RAPGEF4: variants seen among roughly 807,000 people sequenced by gnomAD.
RAPGEF4 encodes the protein Rap guanine nucleotide exchange factor 4.
RAPGEF4 carries 66 observed loss-of-function variants against 147.9 expected under a neutral mutation model. The ratio of observed to expected loss-of-function variants is 0.45; its 90% CI spans 0.37 to 0.55. The LOEUF (loss-of-function observed/expected upper bound fraction) is 0.55. RAPGEF4 is among the 20% of genes least tolerant of loss of function. The pLI, the probability that RAPGEF4 is intolerant of heterozygous loss-of-function variation, is 0.00. For missense variants in RAPGEF4, 1,071 were observed against 1,257.3 expected (o/e 0.85, Z 2.24); for synonymous variants, 419 against 442.7 (o/e 0.95, Z 0.67).
intron 3 of RAPGEF4, among the ~76,000 whole-genome samples, chr2:172,804,158 G>A (rs1017268745): frequency 6.6e-6 from 1 of 152,126 alleles, no homozygotes; most frequent in African/African-American, 2.4e-5. Context: ...GCATATGGTG[G>A]TAGAAAGATA....
chr2:172,769,876 T>G lies in RAPGEF4; in HGVS notation c.66-25149T>G, dbSNP rs1697194854. On this transcript the variant is annotated intron_variant, in intron 1 of 30. Transcript: ENST00000397081. ...CAAATATAAGTGGGTGTCCAATATT[T>G]GTATTTGCAAAATCTGGCAACCCTA... 4.6e-5 allele frequency among the ~76,000 whole-genome samples: 7 copies of G among 152,204 alleles called. No homozygotes were observed. The South Asian group carries it at 1.5e-3, about 32-fold the overall frequency.
intron 1 of RAPGEF4, among the ~76,000 whole-genome samples, chr2:172,766,409 G>A (rs897607995): frequency 5.3e-5 from 8 of 151,968 alleles, no homozygotes; most frequent in African/African-American, 1.7e-4. Flanking sequence ...AAAATTAGCC[G>A]GGCATGCTGG....
chr2:172,779,081 G>A (rs527509878), intron 1 of RAPGEF4, among the ~76,000 whole-genome samples: 1 of 151,862 alleles, frequency 6.6e-6, no homozygotes, highest in South Asian at 2.1e-4. Flanking sequence ...AGATACAAAA[G>A]TATATTTATT....
intron 1 of RAPGEF4, among the ~76,000 whole-genome samples, chr2:172,754,630 A>G (rs1171463160): frequency 6.6e-6 from 1 of 152,190 alleles, no homozygotes; most frequent in Non-Finnish European, 1.5e-5. Context: ...GGGGAATTGG[A>G]ACCCCAGTCC....
Position 173,036,211 on chromosome 2 carries a change from A to G in RAPGEF4, c.2787A>G (p.Lys929=). 1 of 1,600,328 alleles carries G rather than the reference A, an allele frequency of 6.2e-7. No individual in the cohort carries two copies. Among genetic ancestry groups the G allele is most frequent in the Non-Finnish European group, 8.6e-7 (1 of 1,168,048 alleles). Reference sequence around the variant, plus strand: ...TCCCCTTCATGCCTTTGCTCATTAAAGGTAATCCTAATAAGATGCACAGGC... The same window carrying G: ...TCCCCTTCATGCCTTTGCTCATTAAGGGTAATCCTAATAAGATGCACAGGC... The part of the protein sequence containing the change: ...PLIPFMPLLI[K]DMTFTHEGNK... The change falls in exon 28 of 31, where the codon AAA becomes AAG. Residue 929 remains lysine (K), a splice_region_variant and synonymous_variant. Coordinates refer to ENST00000397081, the MANE Select transcript of RAPGEF4 (RefSeq NM_007023.4).
intron 4 of RAPGEF4, among the ~76,000 whole-genome samples, chr2:172,865,026 A>G (rs901648367): frequency 3.3e-5 from 5 of 152,180 alleles, no homozygotes; most frequent in Non-Finnish European, 4.4e-5. Context: ...CTTGTCACCT[A>G]CCAGGTCCAA....
At chr2:172,953,180 A>G (rs1399412807) in intron 6 of RAPGEF4, among the ~76,000 whole-genome samples, 4 of 150,434 alleles carry the variant, frequency 2.7e-5, no homozygotes, top group Admixed American at 1.3e-4. Context: ...TAAAAAATAT[A>G]TATATAATAG....
chr2:172,838,309 A>T (rs1475131362), intron 4 of RAPGEF4, among the ~76,000 whole-genome samples: 2 of 152,172 alleles, frequency 1.3e-5, no homozygotes, highest in Admixed American at 1.3e-4. Context: ...CTTCATAGAA[A>T]GATCAGAGTC....
At chr2:172,958,661 G>T (rs1688978698) in intron 6 of RAPGEF4, among the ~76,000 whole-genome samples, 1 of 152,190 alleles carries the variant, frequency 6.6e-6, no homozygotes, top group Admixed American at 6.5e-5. Context: ...CTGGTAAACA[G>T]TATGCTGTTA....
intron 1 of RAPGEF4, among the ~76,000 whole-genome samples, chr2:172,780,316 C>T (rs1307498737): frequency 5.9e-5 from 9 of 152,154 alleles, no homozygotes; most frequent in Non-Finnish European, 1.3e-4. Flanking sequence ...AAGGATAATA[C>T]ATTTTAGACG....
intron 3 of RAPGEF4, among the ~76,000 whole-genome samples, chr2:172,810,505 C>A (rs957667845): frequency 1.8e-4 from 28 of 152,184 alleles, no homozygotes; most frequent in African/African-American, 6.5e-4. Flanking sequence ...GTAAGGAGGT[C>A]TGTGTTTTAG....
Position 173,052,741 on chromosome 2 carries a change from A to G in RAPGEF4, c.*974A>G, listed in dbSNP as rs1187688340. On this transcript the variant is annotated 3_prime_UTR_variant, in exon 31 of 31. Coordinates refer to ENST00000397081, the MANE Select transcript of RAPGEF4 (RefSeq NM_007023.4). ...ATAATAGATACTGTGCCAAATAATTACTTTTTATTTATTTTATTTAGTACG... is the reference window on the plus strand; with the variant it reads ...ATAATAGATACTGTGCCAAATAATTGCTTTTTATTTATTTTATTTAGTACG... 6.6e-6 allele frequency: 1 copy of G among 152,640 alleles called. No individual in the cohort carries two copies. The highest frequency in any genetic ancestry group is 1.5e-5 in the Non-Finnish European group (1 of 68,032). 9.5% of individuals were successfully genotyped at this position (152,640 alleles called of 1,614,324 possible).
intron 4 of RAPGEF4, among the ~76,000 whole-genome samples, chr2:172,871,625 C>CT (rs57511364): frequency 0.027 from 3,524 of 132,278 alleles, 47 homozygotes; most frequent in Middle Eastern, 0.057. Flanking sequence ...AAAAAGCAGA[C>CT]TTTTTTTTTT....
chr2:172,822,033 A>C, intron 4 of RAPGEF4: 2 of 1,584,588 alleles, frequency 1.3e-6, no homozygotes, highest in Non-Finnish European at 1.7e-6. Flanking sequence ...GAAATACTAC[A>C]TGTTACTGTT....
intron 1 of RAPGEF4, among the ~76,000 whole-genome samples, chr2:172,758,494 A>G (rs1290550398): frequency 6.6e-6 from 1 of 152,202 alleles, no homozygotes; most frequent in Non-Finnish European, 1.5e-5. Context: ...TGGTGGAAGA[A>G]GGGAGAGCTA....
At chr2:172,773,550 A>G (rs1046140663) in intron 1 of RAPGEF4, among the ~76,000 whole-genome samples, 1 of 152,032 alleles carries the variant, frequency 6.6e-6, no homozygotes, top group African/African-American at 2.4e-5. Flanking sequence ...TCTCTGGAGA[A>G]ACCTTGTCCT....
At chr2:172,871,113 TCTC>T (rs1204063829) in intron 4 of RAPGEF4, among the ~76,000 whole-genome samples, 1 of 152,194 alleles carries the variant, frequency 6.6e-6, no homozygotes, top group East Asian at 1.9e-4. Context: ...GGCAGTTTCT[TCTC>T]CTCATAGGGT....
intron 18 of RAPGEF4, among the ~76,000 whole-genome samples, chr2:173,015,066 C>T (rs1005835920): frequency 6.6e-6 from 1 of 152,134 alleles, no homozygotes; most frequent in African/African-American, 2.4e-5. Context: ...ACATCATTTC[C>T]AGTTTTCACC....
At chr2:172,783,076 C>T (rs529323846) in intron 1 of RAPGEF4, among the ~76,000 whole-genome samples, 19 of 152,264 alleles carry the variant, frequency 1.2e-4, no homozygotes, top group African/African-American at 3.9e-4. Context: ...AAATTTTCCT[C>T]TCTCTCTTCA....
Sources: allele counts gnomAD v4.1 joint callset (sites outside exome capture counted in the v4.1 genomes callset), GRCh38; gene constraint gnomAD v4.1.1; transcripts MANE v1.5; gene names NCBI Gene and HGNC (gene_info 2026-07-23, HGNC 2026-07-21).